Variants in ERICH1 observed in about 807,000 individuals in gnomAD.
ERICH1 encodes glutamate-rich protein 1.
In ERICH1, 56 loss-of-function variants were observed where a neutral mutation model predicts 39.6. The ratio of observed to expected loss-of-function variants is 1.41; its 90% CI spans 1.14 to 1.77. ERICH1 has a LOEUF of 1.77. ERICH1 is among the 40% of genes most tolerant of loss of function. The pLI is 0.00. For missense variants in ERICH1, 826 were observed against 575.4 expected (o/e 1.44, Z -4.45); for synonymous variants, 313 against 223.6 (o/e 1.40, Z -3.57).
At chr8:617,188 G>T (rs564735384) in intron 3 of ERICH1, among the ~76,000 whole-genome samples, 2 of 152,070 alleles carry the variant, frequency 1.3e-5, no homozygotes, top group Non-Finnish European at 2.9e-5. Context: ...GGGACCACAC[G>T]ATTCCAAGAG....
At chr8:662,771 G>A (rs1310819797), downstream of ERICH1, among the ~76,000 whole-genome samples, 2 of 152,138 alleles carry the variant, frequency 1.3e-5, no homozygotes, top group African/African-American at 4.8e-5. Context: ...CAGGAGTCCG[G>A]CTTGGACACC....
intron 5 of ERICH1, chr8:666,677 G>C (rs755130909): frequency 6.6e-6 from 1 of 152,486 alleles, no homozygotes; most frequent in Non-Finnish European, 1.5e-5. Flanking sequence ...TGGCCCTCTT[G>C]AGCCTCAGCT....
chr8:671,915 T>C (rs1803524534), intron 4 of ERICH1: 2 of 164,268 alleles, frequency 1.2e-5, no homozygotes, highest in South Asian at 1.3e-4. Flanking sequence ...CTGTGCTCAC[T>C]GGGCTCCAGG....
At chr8:658,595 C>G (rs532563531) in intron 3 of ERICH1, among the ~76,000 whole-genome samples, 1 of 152,292 alleles carries the variant, frequency 6.6e-6, no homozygotes, top group East Asian at 1.9e-4. Flanking sequence ...ATCCTGGCCC[C>G]CGATGTGGCT....
intron 3 of ERICH1, among the ~76,000 whole-genome samples, chr8:687,826 C>A (rs1471958653): frequency 1.3e-5 from 2 of 152,130 alleles, no homozygotes; most frequent in Non-Finnish European, 2.9e-5. Flanking sequence ...GGGCGAGGCG[C>A]GGAGAGGCCC....
chr8:643,331 C>T (rs558697428), intron 3 of ERICH1, among the ~76,000 whole-genome samples: 22 of 152,268 alleles, frequency 1.4e-4, no homozygotes, highest in African/African-American at 5.1e-4. Flanking sequence ...GCGCAGGCTG[C>T]GGTGTGGCAC....
intron 3 of ERICH1, among the ~76,000 whole-genome samples, chr8:690,505 A>G (rs1046856605): frequency 1.3e-5 from 2 of 152,272 alleles, no homozygotes; most frequent in African/African-American, 4.8e-5. Flanking sequence ...GGCAGACCCA[A>G]GGGCGCAGCA....
At chr8:616,294 G>C (rs1005562958) in intron 3 of ERICH1, 20 of 304,378 alleles carry the variant, frequency 6.6e-5, no homozygotes, top group Middle Eastern at 1.2e-3. Flanking sequence ...ACATTTGTGT[G>C]GCAGGACAAG....
At chr8:683,612 G>A (rs931862546) in intron 3 of ERICH1, among the ~76,000 whole-genome samples, 3 of 152,202 alleles carry the variant, frequency 2.0e-5, no homozygotes, top group African/African-American at 7.2e-5. Flanking sequence ...CCGGCTCCAT[G>A]CCAGCTGCAG....
intron 1 of ERICH1, among the ~76,000 whole-genome samples, chr8:722,712 T>C (rs755553212): frequency 6.6e-6 from 1 of 152,220 alleles, no homozygotes; most frequent in Non-Finnish European, 1.5e-5. Flanking sequence ...ACTTTTGCTA[T>C]CACCCTTATA....
At chr8:661,937 G>A (rs1412099952), downstream of ERICH1, among the ~76,000 whole-genome samples, 3 of 152,064 alleles carry the variant, frequency 2.0e-5, no homozygotes, top group African/African-American at 7.2e-5. Flanking sequence ...CCCCGCAGTG[G>A]CAGGGATTCT....
chr8:714,981 G>A (rs542664158), intron 2 of ERICH1, among the ~76,000 whole-genome samples: 25 of 149,056 alleles, frequency 1.7e-4, no homozygotes, highest in African/African-American at 3.7e-4. Context: ...GATGTGCTGC[G>A]CACAGCCGGT....
intron 2 of ERICH1, among the ~76,000 whole-genome samples, chr8:705,685 T>TCAA (rs201737204): frequency 1.3e-5 from 2 of 152,006 alleles, no homozygotes; most frequent in Admixed American, 6.6e-5. Context: ...GGGCAATTAG[T>TCAA]CAACAACAAC....
At chr8:615,936 C>T (rs150452799) in intron 3 of ERICH1, 1,787 of 152,604 alleles carry the variant, frequency 0.012, 14 homozygotes, top group Non-Finnish European at 0.017. Context: ...GGAAATTATC[C>T]TAATTAATTA....
chr8:673,201 G>A, intron 4 of ERICH1, 88 bp downstream of exon 4: 1 of 1,407,280 alleles, frequency 7.1e-7, no homozygotes, highest in East Asian at 2.4e-5. Flanking sequence ...TTTAAAGTAT[G>A]TTTTAACATT....
At chr8:652,689 A>T (rs555500447) in intron 3 of ERICH1, among the ~76,000 whole-genome samples, 2 of 152,366 alleles carry the variant, frequency 1.3e-5, no homozygotes, top group South Asian at 4.1e-4. Context: ...TCAGGCTCAG[A>T]GAATTTAAGC....
chr8:662,752 C>T (rs1025702866), downstream of ERICH1, among the ~76,000 whole-genome samples: 3 of 152,094 alleles, frequency 2.0e-5, no homozygotes, highest in Admixed American at 6.5e-5. Flanking sequence ...TGGAGGTTCT[C>T]GATGGAGGCA....
chr8:712,286 T>C (rs1416620846), intron 2 of ERICH1, among the ~76,000 whole-genome samples: 1 of 152,244 alleles, frequency 6.6e-6, no homozygotes, highest in African/African-American at 2.4e-5. Context: ...GAACATGGAA[T>C]ATCTGTTCAA....
chr8:652,993 G>C (rs1800165726), intron 3 of ERICH1, among the ~76,000 whole-genome samples: 1 of 152,214 alleles, frequency 6.6e-6, no homozygotes, highest in South Asian at 2.1e-4. Flanking sequence ...CTCATGTGCT[G>C]TTGCTGGGAA....
Sources: gnomAD v4.1 joint callset for allele counts (sites outside exome capture counted in the v4.1 genomes callset) on GRCh38, gnomAD v4.1.1 for gene constraint, MANE v1.5 for transcripts, NCBI Gene and HGNC (gene_info 2026-07-23, HGNC 2026-07-21) for gene names.